HTR7: variants seen among roughly 807,000 people sequenced by gnomAD.
HTR7 encodes the protein 5-HT-7.
In HTR7, 16 loss-of-function variants were observed where a neutral mutation model predicts 34.0. The ratio of observed to expected loss-of-function variants is 0.47; its 90% CI spans 0.32 to 0.71. The LOEUF (loss-of-function observed/expected upper bound fraction) is 0.71, where lower values mean the gene tolerates loss of function less well. HTR7 is among the 30% of genes least tolerant of loss of function. The pLI is 0.04. For synonymous variants in HTR7, 265 were observed against 260.2 expected (o/e 1.02, Z -0.18); for missense variants, 504 against 625.5 (o/e 0.81, Z 2.07).
chr10:90,812,577 T>C (rs920443246), intron 1 of HTR7, among the ~76,000 whole-genome samples: 1 of 152,340 alleles, frequency 6.6e-6, no homozygotes, highest in African/African-American at 2.4e-5. Flanking sequence ...CCAATCATTC[T>C]ATACAACAAA....
chr10:90,780,405 C>T (rs547808136), intron 1 of HTR7, among the ~76,000 whole-genome samples: 11 of 151,918 alleles, frequency 7.2e-5, no homozygotes, highest in Non-Finnish European at 1.0e-4. Flanking sequence ...GGCGTGGTGG[C>T]GGGCACTTGT....
chr10:90,822,441 T>G (rs1378497861), intron 1 of HTR7, among the ~76,000 whole-genome samples: 1 of 152,230 alleles, frequency 6.6e-6, no homozygotes, highest in Non-Finnish European at 1.5e-5. Flanking sequence ...CAGCAAAGCA[T>G]TCAAGACATG....
At chr10:90,843,409 C>T (rs1846360079) in intron 1 of HTR7, among the ~76,000 whole-genome samples, 1 of 152,144 alleles carries the variant, frequency 6.6e-6, no homozygotes, top group Non-Finnish European at 1.5e-5. Context: ...AGAAAAAGTG[C>T]AAGGTGTTAA....
intron 1 of HTR7, among the ~76,000 whole-genome samples, chr10:90,778,333 T>C (rs896287970): frequency 9.9e-5 from 15 of 152,056 alleles, no homozygotes; most frequent in Non-Finnish European, 1.3e-4. Flanking sequence ...GGTTAATGGA[T>C]TCATAGATTA....
At chr10:90,813,602 C>A (rs147837194) in intron 1 of HTR7, among the ~76,000 whole-genome samples, 67 of 152,130 alleles carry the variant, frequency 4.4e-4, no homozygotes, top group African/African-American at 1.6e-3. Flanking sequence ...AAAAGCAGCC[C>A]CAAAATCATT....
Position 90,857,119 on chromosome 10 carries a change from G to A in HTR7, c.539+14C>T. On this transcript the variant is annotated intron_variant, in intron 1 of 3. Coordinates refer to ENST00000336152, the MANE Select transcript of HTR7 (RefSeq NM_019859.4). This position sits in a 1 kb window ranked among gnomAD's most constrained non-coding sequence, Gnocchi z 6.5. ...CCCCAGCCGGAGCCTGGGACGGGGC[G>A]GTCCGGCCCTTACCTGTCAATGCTG... is the stretch of plus-strand genomic sequence containing the variant. The A allele has an allele frequency of 6.5e-7, 1 of 1,539,158 alleles. No individual in the cohort carries two copies. The highest frequency in any genetic ancestry group is 1.9e-5 in the Admixed American group (1 of 51,350).
At chr10:90,779,841 T>TA (rs1845277520) in intron 1 of HTR7, among the ~76,000 whole-genome samples, 1 of 152,212 alleles carries the variant, frequency 6.6e-6, no homozygotes, top group African/African-American at 2.4e-5. Context: ...CACAAATGCC[T>TA]AACACACATT....
At chr10:90,746,080 C>T (rs1844628685) in intron 2 of HTR7, among the ~76,000 whole-genome samples, 1 of 152,182 alleles carries the variant, frequency 6.6e-6, no homozygotes, top group African/African-American at 2.4e-5. Flanking sequence ...AAATCCAGCT[C>T]TATCACTCTC....
intron 1 of HTR7, among the ~76,000 whole-genome samples, chr10:90,763,243 T>C (rs1431163734): frequency 6.6e-6 from 1 of 152,204 alleles, no homozygotes; most frequent in African/African-American, 2.4e-5. Flanking sequence ...ATTTTAACAA[T>C]ATGAATTCTT....
chr10:90,754,722 A>AT (rs1844806567), intron 1 of HTR7, among the ~76,000 whole-genome samples: 1 of 152,232 alleles, frequency 6.6e-6, no homozygotes, highest in Non-Finnish European at 1.5e-5. Flanking sequence ...CCTGTCTTCC[A>AT]TTCTAACTGT....
chr10:90,749,506 A>C lies in HTR7; in HGVS notation c.628T>G (p.Ser210Ala), dbSNP rs775973699. 59 of 1,614,076 alleles carry C rather than the reference A, an allele frequency of 3.7e-5. No individual in the cohort carries two copies. The highest frequency in any genetic ancestry group is 5.0e-5 in the Non-Finnish European group (59 of 1,180,040). The change falls in exon 2 of 4, where the codon TCC (serine) becomes GCC (alanine). Residue 210 changes from serine (S) to alanine (A), a missense_variant. This residue lies in a region of HTR7 where 154 missense variants were observed against 248.8 expected (regional missense o/e 0.62). Coordinates refer to ENST00000336152, the MANE Select transcript of HTR7 (RefSeq NM_019859.4). The surrounding 1 kb of genome is among the most constrained non-coding windows in gnomAD (Gnocchi z 4.2). The stretch of plus-strand genomic sequence containing the variant: ...AGTGGAGGTAAGGTGATGGAGGCGG[A>C]GAGAAGCCAGACGGAGAGAATCATC... ...AKMILSVWLL[S>A]ASITLPPLFG...
At chr10:90,847,398 G>A (rs1846427208) in intron 1 of HTR7, among the ~76,000 whole-genome samples, 1 of 152,032 alleles carries the variant, frequency 6.6e-6, no homozygotes. Flanking sequence ...AAAGAACAGG[G>A]CAGAAGACCC....
At chr10:90,853,636 T>C (rs761171974) in intron 1 of HTR7, among the ~76,000 whole-genome samples, 6 of 152,234 alleles carry the variant, frequency 3.9e-5, no homozygotes, top group Non-Finnish European at 7.4e-5. Flanking sequence ...AAAAGATCAT[T>C]CTTAAATTAG....
chr10:90,752,089 T>C (rs1439204957), intron 1 of HTR7, among the ~76,000 whole-genome samples: 2 of 152,216 alleles, frequency 1.3e-5, no homozygotes, highest in Non-Finnish European at 2.9e-5. Context: ...CACCATTCTC[T>C]AATGATTTCA....
At position 90,857,733 on chromosome 10, in the gene HTR7, G is replaced by T; in HGVS notation, c.-62C>A. The T allele has an allele frequency of 7.2e-7, 1 of 1,396,320 alleles. No homozygotes were observed. The highest frequency in any genetic ancestry group is 1.6e-5 in the South Asian group (1 of 63,396). The allele number at this position is 1,396,320 out of a possible 1,614,324, so 86.5% of individuals were successfully genotyped here. A position where few individuals can be genotyped will look rare whatever the true frequency, so the allele number is the denominator to read the frequency against. On this transcript the variant is annotated 5_prime_UTR_variant, in exon 1 of 4. Transcript: ENST00000336152. The surrounding 1 kb of genome is among the most constrained non-coding windows in gnomAD (Gnocchi z 6.5). ...CCCGGCCACGCGCCTCCGGCTGCCGGCCCCGGGGCTTCACCTCACCGGTTC... is the reference window on the plus strand; with the variant it reads ...CCCGGCCACGCGCCTCCGGCTGCCGTCCCCGGGGCTTCACCTCACCGGTTC...
intron 1 of HTR7, among the ~76,000 whole-genome samples, chr10:90,797,275 A>G (rs1845555517): frequency 6.6e-6 from 1 of 152,076 alleles, no homozygotes; most frequent in Non-Finnish European, 1.5e-5. Flanking sequence ...CAACCCACAC[A>G]TTTTACGGAG....
At chr10:90,826,455 A>G (rs1436162588) in intron 1 of HTR7, among the ~76,000 whole-genome samples, 1 of 152,206 alleles carries the variant, frequency 6.6e-6, no homozygotes, top group African/African-American at 2.4e-5. Context: ...ACAAAATATA[A>G]TAACACTGTA....
At chr10:90,788,062 G>A (rs765139718) in intron 1 of HTR7, among the ~76,000 whole-genome samples, 13 of 152,062 alleles carry the variant, frequency 8.5e-5, no homozygotes, top group Non-Finnish European at 1.6e-4. Context: ...CTTACCCTGA[G>A]CCGGAGCTGC....
chr10:90,813,780 T>A (rs570744017), intron 1 of HTR7, among the ~76,000 whole-genome samples: 1 of 152,186 alleles, frequency 6.6e-6, no homozygotes, highest in East Asian at 1.9e-4. Flanking sequence ...CCAAACCACA[T>A]GTACAGTAAG....
Sources: allele counts gnomAD v4.1 joint callset (sites outside exome capture counted in the v4.1 genomes callset), GRCh38; gene constraint gnomAD v4.1.1; regional missense constraint gnomAD v4.1.1; non-coding constraint Gnocchi (gnomAD v3.1); transcripts MANE v1.5; gene names NCBI Gene and HGNC (gene_info 2026-07-23, HGNC 2026-07-21).